ANKS1B: variants seen among roughly 807,000 people sequenced by gnomAD.
The protein encoded by ANKS1B is ankyrin repeat and sterile alpha motif domain containing 1B.
ANKS1B carries 36 observed loss-of-function variants against 148.3 expected under a neutral mutation model. That is an observed-to-expected ratio of 0.24 (90% CI 0.19 to 0.32). ANKS1B has a LOEUF of 0.32. Ranked by LOEUF, ANKS1B falls within the 10% of genes least tolerant of loss-of-function variation. ANKS1B has a pLI of 1.00. For missense variants in ANKS1B, 1,157 were observed against 1,542.6 expected, an observed-to-expected ratio of 0.75 and a Z score of 4.19; for synonymous variants, 542 against 560.8, an observed-to-expected ratio of 0.97 and a Z score of 0.47.
At chr12:99,805,019 G>C (rs2067412444) in intron 4 of ANKS1B, among the ~76,000 whole-genome samples, 2 of 152,028 alleles carry the variant, frequency 1.3e-5, no homozygotes, top group Admixed American at 1.3e-4. Flanking sequence ...ACACACAAGA[G>C]AACACAGCCA....
intron 4 of ANKS1B, among the ~76,000 whole-genome samples, chr12:99,793,392 C>G (rs776222004): frequency 3.3e-5 from 5 of 151,850 alleles, no homozygotes; most frequent in Non-Finnish European, 5.9e-5. Flanking sequence ...CAAACCTGAG[C>G]AAAAAGAATA....
At chr12:98,736,492 C>T (rs891319953) in intron 9 of ANKS1B, among the ~76,000 whole-genome samples, 1 of 152,096 alleles carries the variant, frequency 6.6e-6, no homozygotes, top group African/African-American at 2.4e-5. Context: ...TTGAGATGCC[C>T]GTTAACGAGA....
chr12:98,841,862 G>C (rs1173151834), intron 17 of ANKS1B, among the ~76,000 whole-genome samples: 2 of 151,328 alleles, frequency 1.3e-5, no homozygotes, highest in African/African-American at 4.9e-5. Flanking sequence ...TCACATCACA[G>C]AGTAGAGCTA....
At chr12:99,837,218 C>T (rs952837293) in intron 1 of ANKS1B, among the ~76,000 whole-genome samples, 1 of 152,108 alleles carries the variant, frequency 6.6e-6, no homozygotes, top group African/African-American at 2.4e-5. Flanking sequence ...CTGGAAAAGG[C>T]AAGAAAACAG....
chr12:98,776,468 A>T (rs2153494289), intron 24 of ANKS1B, among the ~76,000 whole-genome samples: 1 of 152,302 alleles, frequency 6.6e-6, no homozygotes, highest in East Asian at 1.9e-4. Context: ...TGGGGATAGA[A>T]ATTCTGGCAG....
At chr12:99,597,353 G>A (rs1304149737) in intron 9 of ANKS1B, among the ~76,000 whole-genome samples, 1 of 151,660 alleles carries the variant, frequency 6.6e-6, no homozygotes, top group Non-Finnish European at 1.5e-5. Context: ...GTGAAATTTG[G>A]ACATTTTCCC....
At chr12:99,173,944 T>C (rs961261292) in intron 14 of ANKS1B, among the ~76,000 whole-genome samples, 1 of 152,210 alleles carries the variant, frequency 6.6e-6, no homozygotes, top group African/African-American at 2.4e-5. Context: ...TAGTTCCTTC[T>C]ACTGAAGGCT....
At chr12:99,958,104 T>C (rs909414339) in intron 1 of ANKS1B, among the ~76,000 whole-genome samples, 5 of 152,148 alleles carry the variant, frequency 3.3e-5, no homozygotes, top group Admixed American at 6.6e-5. Flanking sequence ...GAGATGACTA[T>C]GCCAGAGTTG....
chr12:99,577,571 A>G (rs545637442), intron 9 of ANKS1B, among the ~76,000 whole-genome samples: 1 of 151,928 alleles, frequency 6.6e-6, no homozygotes, highest in Non-Finnish European at 1.5e-5. Flanking sequence ...CATAAATACA[A>G]AAAAACCCTC....
chr12:99,119,494 C>A lies in ANKS1B; in HGVS notation c.2527-34471G>T, dbSNP rs147356072. On this transcript the variant is annotated intron_variant, in intron 15 of 26. Transcript: ENST00000683438. ...TGGGAAACTAAATTAAGCATCCAAC[C>A]ATTGAACTAATATACTAATATATTG... Among the ~76,000 whole-genome samples the A allele has an allele frequency of 7.0e-3, 1,064 of 152,278 alleles. 14 individuals are homozygous for A. The highest frequency in any genetic ancestry group is 0.045 in the South Asian group (219 of 4,816).
intron 12 of ANKS1B, among the ~76,000 whole-genome samples, chr12:99,350,707 CTTGTT>C (rs1030210629): frequency 9.9e-4 from 151 of 152,174 alleles, no homozygotes; most frequent in African/African-American, 3.5e-3. Flanking sequence ...GAATGCCTAA[CTTGTT>C]TTAACATCAA....
At chr12:99,532,486 G>A (rs1567290576) in intron 9 of ANKS1B, among the ~76,000 whole-genome samples, 1 of 152,140 alleles carries the variant, frequency 6.6e-6, no homozygotes, top group East Asian at 1.9e-4. Context: ...TCAGCCTCCC[G>A]AATAGCTGGG....
At chr12:99,727,471 T>C (rs1355343062) in intron 8 of ANKS1B, among the ~76,000 whole-genome samples, 2 of 152,072 alleles carry the variant, frequency 1.3e-5, no homozygotes, top group African/African-American at 4.8e-5. Flanking sequence ...TACAAACCAC[T>C]GCTCAAGGAA....
At chr12:99,810,560 G>A (rs11110057) in intron 3 of ANKS1B, among the ~76,000 whole-genome samples, 10,343 of 151,884 alleles carry the variant, frequency 0.068, 489 homozygotes, top group South Asian at 0.12. Flanking sequence ...AAAATCGTAA[G>A]AAAGTTGCAA....
At chr12:99,311,506 G>A (rs1241401970) in intron 12 of ANKS1B, among the ~76,000 whole-genome samples, 1 of 152,116 alleles carries the variant, frequency 6.6e-6, no homozygotes, top group East Asian at 1.9e-4. Flanking sequence ...GATGAAACAA[G>A]TATCAATATA....
intron 17 of ANKS1B, among the ~76,000 whole-genome samples, chr12:98,990,808 G>C (rs1481205152): frequency 6.6e-6 from 1 of 152,180 alleles, no homozygotes; most frequent in African/African-American, 2.4e-5. Context: ...TAAGCACTAG[G>C]GTGGCTGAGC....
At chr12:99,734,130 T>G (rs1352524261) in intron 8 of ANKS1B, among the ~76,000 whole-genome samples, 2 of 152,198 alleles carry the variant, frequency 1.3e-5, no homozygotes, top group African/African-American at 2.4e-5. Flanking sequence ...ATTACATTTC[T>G]CAACTTTTTT....
intron 17 of ANKS1B, among the ~76,000 whole-genome samples, chr12:98,945,505 C>CAAAAAAAAAAAAAAA (rs3051086): frequency 1.2e-3 from 35 of 30,270 alleles, no homozygotes; most frequent in African/African-American, 2.2e-3. Flanking sequence ...AACAAACAAA[C>CAAAAAAAAAAAAAAA]AAAAAAAAAA....
At chr12:99,788,850 G>T (rs780797392) in intron 4 of ANKS1B, among the ~76,000 whole-genome samples, 1 of 152,160 alleles carries the variant, frequency 6.6e-6, no homozygotes, top group Non-Finnish European at 1.5e-5. Flanking sequence ...ACCAGAAGTG[G>T]TGGTGGCCAC....
Sources: allele counts gnomAD v4.1 joint callset (sites outside exome capture counted in the v4.1 genomes callset), GRCh38; gene constraint gnomAD v4.1.1; transcripts MANE v1.5; gene names NCBI Gene and HGNC (gene_info 2026-07-23, HGNC 2026-07-21).